Variants in BRAF observed in about 807,000 individuals in gnomAD.
BRAF encodes serine/threonine-protein kinase B-raf.
BRAF carries 16 observed loss-of-function variants against 104.6 expected under a neutral mutation model. The observed-to-expected ratio is 0.15, with a 90% CI of 0.10 to 0.23. The LOEUF (loss-of-function observed/expected upper bound fraction) is 0.23. Ranked by LOEUF, BRAF falls within the 10% of genes least tolerant of loss-of-function variation. The pLI is 1.00. For synonymous variants in BRAF, 310 were observed against 341.6 expected, an observed-to-expected ratio of 0.91 and a Z score of 1.02; for missense variants, 541 against 937.3, an observed-to-expected ratio of 0.58 and a Z score of 5.52.
Position 140,730,258 on chromosome 7 carries a change from C to CT in BRAF, c.2402-3743dup, listed in dbSNP as rs553457412. ...ATTTGAAGTGAAATACCTAGATACT[C>CT]TATGTCTTAAAAAAAATCTTGGTAT... On this transcript the variant is annotated intron_variant, in intron 19 of 19. Coordinates refer to ENST00000644969, the MANE Select transcript of BRAF (RefSeq NM_001374258.1). 1.1e-4 allele frequency among the ~76,000 whole-genome samples: 16 copies of CT among 151,828 alleles called. No homozygotes were observed. The South Asian group carries it at 1.5e-3, about 14-fold the overall frequency.
At chr7:140,731,360 C>T (rs1049397921) in intron 19 of BRAF, 3 of 152,174 alleles carry the variant, frequency 2.0e-5, no homozygotes, top group African/African-American at 7.2e-5. Flanking sequence ...ATAGACACAT[C>T]GAGTCTTTTA....
intron 1 of BRAF, among the ~76,000 whole-genome samples, chr7:140,918,083 A>T (rs1208264905): frequency 6.6e-6 from 1 of 152,194 alleles, no homozygotes; most frequent in African/African-American, 2.4e-5. Context: ...ATACCTGAGA[A>T]GATTTATGCC....
In BRAF at chr7:140,720,272, C is replaced by A. The variant is rs953915518; in HGVS notation, c.*6222G>T. The A allele has an allele frequency of 1.9e-6, 2 of 1,062,680 alleles. No homozygotes were observed. The highest frequency in any genetic ancestry group is 2.3e-6 in the Non-Finnish European group (2 of 877,782). The allele number at this position is 1,062,680 out of a possible 1,614,324, so 65.8% of individuals were successfully genotyped here. The stretch of plus-strand genomic sequence containing the variant: ...ACAGTCCTCAAAAATCAGGCGATAT[C>A]ATGAAGGCCAAACTGAGTCTATATA... On this transcript the variant is annotated 3_prime_UTR_variant, in exon 20 of 20. Transcript: ENST00000644969.
chr7:140,899,039 A>G (rs1815283010), intron 1 of BRAF, among the ~76,000 whole-genome samples: 1 of 152,164 alleles, frequency 6.6e-6, no homozygotes, highest in Admixed American at 6.6e-5. Context: ...TGCACTACTG[A>G]GGATACTTGA....
chr7:140,720,021 A>G lies in BRAF; in HGVS notation c.*6473T>C. The G allele has an allele frequency of 9.4e-7, 1 of 1,061,782 alleles. No individual in the cohort carries two copies. Among genetic ancestry groups the G allele is most frequent in the Non-Finnish European group, 1.1e-6 (1 of 877,122 alleles). 65.8% of individuals were successfully genotyped at this position (1,061,782 alleles called of 1,614,324 possible). A position where few individuals can be genotyped will look rare whatever the true frequency, so the allele number is the denominator to read the frequency against. On this transcript the variant is annotated 3_prime_UTR_variant, in exon 20 of 20. Coordinates refer to ENST00000644969, the MANE Select transcript of BRAF (RefSeq NM_001374258.1). ...TCCCTTACAGGAGTCATGTCCTCAA[A>G]CCAAGGAATACATGAAAAGGGGGGA...
chr7:140,816,416 A>G (rs1322161218), intron 3 of BRAF, among the ~76,000 whole-genome samples: 1 of 152,146 alleles, frequency 6.6e-6, no homozygotes, highest in Non-Finnish European at 1.5e-5. Flanking sequence ...GAAACTATTT[A>G]TTTGTACTGG....
intron 17 of BRAF, among the ~76,000 whole-genome samples, chr7:140,745,194 G>A (rs959403717): frequency 6.6e-6 from 1 of 152,016 alleles, no homozygotes; most frequent in Admixed American, 6.6e-5. Flanking sequence ...TAATATAGTA[G>A]TCTTATTTTA....
Position 140,722,587 on chromosome 7 carries a change from G to A in BRAF, c.*3907C>T, listed in dbSNP as rs936269618. The A allele has an allele frequency of 7.6e-6, 8 of 1,054,774 alleles. No individual in the cohort carries two copies. Among genetic ancestry groups the A allele is most frequent in the East Asian group, 5.3e-5 (1 of 18,790 alleles). 65.3% of individuals were successfully genotyped at this position (1,054,774 alleles called of 1,614,324 possible). A position where few individuals can be genotyped will look rare whatever the true frequency, so the allele number is the denominator to read the frequency against. On this transcript the variant is annotated 3_prime_UTR_variant, in exon 20 of 20. Transcript: ENST00000644969. ...ATAGCCTAATGGTTGGAATCTGCTC[G>A]TCTCAAGGTGCTGGTATTCCTAGCA... is the stretch of plus-strand genomic sequence containing the variant.
At chr7:140,850,277 CAT>C in intron 1 of BRAF, 65 bp from the exon 2 acceptor site, 1 of 1,253,540 alleles carries the variant, frequency 8.0e-7, no homozygotes, top group Non-Finnish European at 1.1e-6. Context: ...AATATTTTAA[CAT>C]AGACAACTAC....
chr7:140,826,641 T>C, intron 3 of BRAF, among the ~76,000 whole-genome samples: 1 of 152,198 alleles, frequency 6.6e-6, no homozygotes, highest in East Asian at 1.9e-4. Flanking sequence ...GTAAAAACTC[T>C]GAGCGATATA....
In BRAF at chr7:140,724,698, T is replaced by C; in HGVS notation, c.*1796A>G. 1 of 1,032,714 alleles carries C rather than the reference T, an allele frequency of 9.7e-7. No homozygotes were observed. The highest frequency in any genetic ancestry group is 1.2e-6 in the Non-Finnish European group (1 of 858,602). The allele number at this position is 1,032,714 out of a possible 1,614,324, so 64.0% of individuals were successfully genotyped here. ...TAGACAGCAGGGCCTGGAGTTACAATCTGAAATTTTTAAATAACAATTTCT... is the reference window on the plus strand; with the variant it reads ...TAGACAGCAGGGCCTGGAGTTACAACCTGAAATTTTTAAATAACAATTTCT... On this transcript the variant is annotated 3_prime_UTR_variant, in exon 20 of 20. Transcript: ENST00000644969.
At chr7:140,738,192 G>A (rs1796600652) in intron 18 of BRAF, among the ~76,000 whole-genome samples, 1 of 152,160 alleles carries the variant, frequency 6.6e-6, no homozygotes, top group Admixed American at 6.5e-5. Context: ...TTTGAAACCT[G>A]ATAAATGAAA....
In BRAF at chr7:140,726,442, T is replaced by C. The variant is rs747226664; in HGVS notation, c.*52A>G. On this transcript the variant is annotated 3_prime_UTR_variant, in exon 20 of 20. Coordinates refer to ENST00000644969, the MANE Select transcript of BRAF (RefSeq NM_001374258.1). ...AGAACTGTGTTTTGATGTTAACAAA[T>C]TGTACGAACACAAGACTTAAGAAAT... 1.6e-4 allele frequency: 238 copies of C among 1,531,622 alleles called. No homozygotes were observed. The highest frequency in any genetic ancestry group is 1.9e-4 in the Non-Finnish European group (219 of 1,145,886). The allele number at this position is 1,531,622 out of a possible 1,614,324, so 94.9% of individuals were successfully genotyped here.
intron 2 of BRAF, among the ~76,000 whole-genome samples, chr7:140,839,205 T>G (rs1807662847): frequency 6.6e-6 from 1 of 152,180 alleles, no homozygotes; most frequent in African/African-American, 2.4e-5. Flanking sequence ...CCAGGCATGT[T>G]GGCTCACGCC....
chr7:140,844,207 T>C (rs1368872858), intron 2 of BRAF, among the ~76,000 whole-genome samples: 1 of 151,822 alleles, frequency 6.6e-6, no homozygotes, highest in Non-Finnish European at 1.5e-5. Context: ...CACCCTTCTA[T>C]AGACGTAACT....
rs56101602 is a variant in BRAF, at chr7:140,781,676, C to T, written c.1452G>A (p.Arg484=). 1,548 of 1,613,850 alleles carry T rather than the reference C, an allele frequency of 9.6e-4. 1 individual carries two copies. The highest frequency in any genetic ancestry group is 1.2e-3 in the Non-Finnish European group (1,427 of 1,179,902). The change falls in exon 12 of 20, where the codon CGG becomes CGA. Residue 484 remains arginine, a synonymous_variant. Transcript: ENST00000644969. The stretch of plus-strand genomic sequence containing the variant: ...GAATCTCCCAATCATCACTCGAGTC[C>T]CGTCTACCAAGTGTTTTCTTGATAA... ...DRNRMKTLGR[R]DSSDDWEIPD...
At chr7:140,765,108 T>C (rs199675825) in intron 14 of BRAF, among the ~76,000 whole-genome samples, 14 of 151,928 alleles carry the variant, frequency 9.2e-5, no homozygotes, top group Admixed American at 2.0e-4. Flanking sequence ...GAGATATAGA[T>C]CAATGGAACA....
intron 14 of BRAF, among the ~76,000 whole-genome samples, chr7:140,774,549 G>A (rs915730567): frequency 2.0e-5 from 3 of 152,032 alleles, no homozygotes; most frequent in African/African-American, 4.8e-5. Flanking sequence ...ACAGGGTCTC[G>A]CTCTGTTACC....
Position 140,719,784 on chromosome 7 carries a change from G to A in BRAF, c.*6710C>T. ...CAAAGCAGGTATAGAGAGGTCTGTG[G>A]ACAATTAAAAAGTCCCCATCTTTTC... On this transcript the variant is annotated 3_prime_UTR_variant, in exon 20 of 20. Coordinates refer to ENST00000644969, the MANE Select transcript of BRAF (RefSeq NM_001374258.1). The A allele has an allele frequency of 9.4e-7, 1 of 1,062,758 alleles. No individual in the cohort carries two copies. Among genetic ancestry groups the A allele is most frequent in the Non-Finnish European group, 1.1e-6 (1 of 877,734 alleles). The allele number at this position is 1,062,758 out of a possible 1,614,324, so 65.8% of individuals were successfully genotyped here. A position where few individuals can be genotyped will look rare whatever the true frequency, so the allele number is the denominator to read the frequency against.
Sources: allele counts gnomAD v4.1 joint callset (sites outside exome capture counted in the v4.1 genomes callset), GRCh38; gene constraint gnomAD v4.1.1; transcripts MANE v1.5; gene names NCBI Gene and HGNC (gene_info 2026-07-23, HGNC 2026-07-21).